Variants in APBB1IP observed in about 807,000 individuals in gnomAD.
The protein encoded by APBB1IP is amyloid beta A4 precursor protein-binding family B member 1-interacting protein.
Under a neutral mutation model 64.9 loss-of-function variants are expected in APBB1IP, and 27 were observed. The ratio of observed to expected loss-of-function variants is 0.42; its 90% CI spans 0.31 to 0.57. The LOEUF (loss-of-function observed/expected upper bound fraction) is 0.57, where lower values mean the gene tolerates loss of function less well. Ranked by LOEUF, APBB1IP falls within the 20% of genes least tolerant of loss-of-function variation. The pLI is 0.20. For synonymous variants in APBB1IP, 392 were observed against 331.0 expected (o/e 1.18, Z -2.00); for missense variants, 812 against 845.5 (o/e 0.96, Z 0.49).
rs1588619810 is a variant in APBB1IP, at chr10:26,558,968, G to A, written c.1156-1137G>A. ...ATAGACAGAAATATTCCTTCTCCAG[G>A]GTGTCCATCTGGAAGCCACTGGCCC... is the stretch of plus-strand genomic sequence containing the variant. On this transcript the variant is annotated intron_variant, in intron 11 of 14. Transcript: ENST00000376236. Among the ~76,000 whole-genome samples, 8 of 152,212 alleles carry A rather than the reference G, an allele frequency of 5.3e-5. No homozygotes were observed. In the South Asian group the frequency reaches 1.2e-3, roughly 24 times the overall value.
At chr10:26,507,815 T>C (rs968875960) in intron 6 of APBB1IP, among the ~76,000 whole-genome samples, 1 of 152,204 alleles carries the variant, frequency 6.6e-6, no homozygotes, top group Non-Finnish European at 1.5e-5. Flanking sequence ...GATTAAAAGA[T>C]AGAACAGCCA....
intron 8 of APBB1IP, among the ~76,000 whole-genome samples, chr10:26,517,935 C>T (rs1000889991): frequency 1.1e-4 from 16 of 152,076 alleles, no homozygotes; most frequent in African/African-American, 3.9e-4. Context: ...ACAGGTTGTG[C>T]ATATGCTTAG....
chr10:26,514,625 A>T (rs999707559), intron 8 of APBB1IP, among the ~76,000 whole-genome samples: 2 of 152,104 alleles, frequency 1.3e-5, no homozygotes, highest in African/African-American at 4.8e-5. Flanking sequence ...AAGAATGTTA[A>T]AGGTGAAGAA....
At chr10:26,556,392 T>A (rs1836895448) in intron 11 of APBB1IP, among the ~76,000 whole-genome samples, 1 of 152,160 alleles carries the variant, frequency 6.6e-6, no homozygotes, top group Non-Finnish European at 1.5e-5. Flanking sequence ...AGGTAGCTCA[T>A]CTTAGAACCA....
At chr10:26,455,454 G>A (rs1835513212) in intron 2 of APBB1IP, among the ~76,000 whole-genome samples, 1 of 151,882 alleles carries the variant, frequency 6.6e-6, no homozygotes, top group African/African-American at 2.4e-5. Flanking sequence ...CTTGAACCCA[G>A]GAGGCAGAGG....
intron 11 of APBB1IP, among the ~76,000 whole-genome samples, chr10:26,546,699 C>A (rs1470618064): frequency 2.0e-5 from 3 of 152,148 alleles, no homozygotes; most frequent in Non-Finnish European, 4.4e-5. Context: ...CTCTAGTAAC[C>A]ACTATTCTAC....
At chr10:26,561,254 G>T (rs1564379450) in intron 13 of APBB1IP, among the ~76,000 whole-genome samples, 2 of 150,850 alleles carry the variant, frequency 1.3e-5, no homozygotes, top group Non-Finnish European at 3.0e-5. Context: ...ATTTTTAGTA[G>T]AGACAGGGTT....
chr10:26,558,140 A>AACACACAC (rs58025187), intron 11 of APBB1IP, among the ~76,000 whole-genome samples: 20,180 of 148,876 alleles, frequency 0.14, 1,718 homozygotes, highest in Admixed American at 0.22. Flanking sequence ...CACACACACA[A>AACACACAC]ACACACACAC....
chr10:26,459,797 A>G (rs1052243373), intron 2 of APBB1IP, among the ~76,000 whole-genome samples: 1 of 152,054 alleles, frequency 6.6e-6, no homozygotes, highest in Non-Finnish European at 1.5e-5. Context: ...TGAGAAATTT[A>G]TTTACATTTT....
At chr10:26,511,666 A>G (rs1836261566) in intron 6 of APBB1IP, 81 bp from the exon 7 acceptor site, 1 of 1,530,068 alleles carries the variant, frequency 6.5e-7, no homozygotes, top group Non-Finnish European at 8.9e-7. Context: ...TTGCAGAAAC[A>G]ATAGCAACTT....
chr10:26,515,159 G>C (rs1310726520), intron 8 of APBB1IP, among the ~76,000 whole-genome samples: 1 of 151,964 alleles, frequency 6.6e-6, no homozygotes, highest in Admixed American at 6.6e-5. Context: ...GGGATTCCAG[G>C]TGTGAGCCAC....
At chr10:26,523,382 A>G (rs11015150) in intron 8 of APBB1IP, among the ~76,000 whole-genome samples, 22,588 of 152,198 alleles carry the variant, frequency 0.15, 1,725 homozygotes, top group Middle Eastern at 0.19. Context: ...ATGACTTCCA[A>G]AAGGATTTGT....
At chr10:26,493,570 C>T (rs931402507) in intron 3 of APBB1IP, among the ~76,000 whole-genome samples, 4 of 152,164 alleles carry the variant, frequency 2.6e-5, no homozygotes, top group East Asian at 1.9e-4. Flanking sequence ...CCTGACTTCC[C>T]GCAACACCCT....
intron 2 of APBB1IP, among the ~76,000 whole-genome samples, chr10:26,463,886 C>T (rs761400811): frequency 7.9e-5 from 12 of 152,124 alleles, no homozygotes; most frequent in Non-Finnish European, 1.3e-4. Flanking sequence ...TAATGTTCCC[C>T]GCCACTTGCC....
chr10:26,529,627 CT>C (rs930963932), intron 8 of APBB1IP, among the ~76,000 whole-genome samples: 2 of 151,322 alleles, frequency 1.3e-5, no homozygotes, highest in African/African-American at 4.9e-5. Flanking sequence ...GCTCTGGAGT[CT>C]TTTTTTTTCT....
At chr10:26,444,629 GA>G (rs1311613938) in intron 2 of APBB1IP, among the ~76,000 whole-genome samples, 2 of 152,168 alleles carry the variant, frequency 1.3e-5, no homozygotes, top group African/African-American at 4.8e-5. Context: ...GAGATGATTA[GA>G]AGTTCAATTT....
intron 8 of APBB1IP, among the ~76,000 whole-genome samples, chr10:26,514,907 C>G (rs1242641877): frequency 1.3e-5 from 2 of 151,504 alleles, no homozygotes; most frequent in African/African-American, 2.4e-5. Context: ...AAGTCTTCTT[C>G]TGTTGCCAGG....
intron 14 of APBB1IP, among the ~76,000 whole-genome samples, chr10:26,563,329 G>A (rs932153237): frequency 1.3e-5 from 2 of 152,024 alleles, no homozygotes; most frequent in African/African-American, 4.8e-5. Flanking sequence ...CTCCAGCCTG[G>A]GTGACAGATA....
At chr10:26,557,145 G>T (rs1836904342) in intron 11 of APBB1IP, among the ~76,000 whole-genome samples, 1 of 152,144 alleles carries the variant, frequency 6.6e-6, no homozygotes, top group Admixed American at 6.5e-5. Flanking sequence ...CCTCCAAAGA[G>T]GATCATTATT....
Sources: allele counts gnomAD v4.1 joint callset (sites outside exome capture counted in the v4.1 genomes callset), GRCh38; gene constraint gnomAD v4.1.1; transcripts MANE v1.5; gene names NCBI Gene and HGNC (gene_info 2026-07-23, HGNC 2026-07-21).